Variants in SLIT2 observed in about 807,000 individuals in gnomAD.
SLIT2 encodes the protein slit homolog 2 protein.
SLIT2 carries 41 observed loss-of-function variants against 185.7 expected under a neutral mutation model. That is an observed-to-expected ratio of 0.22 (90% confidence interval 0.17 to 0.29). SLIT2 has a LOEUF of 0.29. SLIT2 is among the 10% of genes least tolerant of loss of function. The pLI, the probability that SLIT2 is intolerant of heterozygous loss-of-function variation, is 1.00. For synonymous variants in SLIT2, 693 were observed against 680.2 expected, an observed-to-expected ratio of 1.02 and a Z score of -0.29; for missense variants, 1,571 against 1,909.0, an observed-to-expected ratio of 0.82 and a Z score of 3.30.
intron 1 of SLIT2, among the ~76,000 whole-genome samples, chr4:20,256,389 A>G (rs899475602): frequency 6.6e-6 from 1 of 152,144 alleles, no homozygotes; most frequent in African/African-American, 2.4e-5. Context: ...TTACAGAAAC[A>G]AAAATGGAAA....
At chr4:20,483,022 T>C (rs1409067259) in intron 6 of SLIT2, among the ~76,000 whole-genome samples, 1 of 152,042 alleles carries the variant, frequency 6.6e-6, no homozygotes, top group Non-Finnish European at 1.5e-5. Context: ...AGAAGGGTTC[T>C]AGAAAGATGA....
intron 4 of SLIT2, among the ~76,000 whole-genome samples, chr4:20,311,950 G>A (rs1218525257): frequency 6.6e-6 from 1 of 152,076 alleles, no homozygotes; most frequent in Non-Finnish European, 1.5e-5. Context: ...TAAGCCACTG[G>A]TTATTTTCAG....
chr4:20,578,887 A>T (rs1726286599), intron 29 of SLIT2, among the ~76,000 whole-genome samples: 1 of 152,184 alleles, frequency 6.6e-6, no homozygotes. Flanking sequence ...GGACAAAATG[A>T]CCCACTTTTT....
intron 5 of SLIT2, among the ~76,000 whole-genome samples, chr4:20,474,308 T>A (rs955382336): frequency 6.6e-6 from 1 of 152,042 alleles, no homozygotes; most frequent in African/African-American, 2.4e-5. Flanking sequence ...ATCAGTACTA[T>A]GGGAACTGTC....
intron 11 of SLIT2, among the ~76,000 whole-genome samples, chr4:20,516,596 A>T (rs1560493079): frequency 6.6e-6 from 1 of 151,902 alleles, no homozygotes; most frequent in Admixed American, 6.6e-5. Flanking sequence ...ATGTGATGAT[A>T]TTTCTTTCCC....
chr4:20,307,285 C>T (rs1035636199), intron 4 of SLIT2, among the ~76,000 whole-genome samples: 2 of 81,894 alleles, frequency 2.4e-5, no homozygotes, highest in African/African-American at 1.1e-4. Context: ...CTTCCTTAAA[C>T]TAAGGGTCTC....
chr4:20,343,818 A>AG, intron 4 of SLIT2, among the ~76,000 whole-genome samples: 1 of 151,558 alleles, frequency 6.6e-6, no homozygotes, highest in East Asian at 1.9e-4. Context: ...AAAAAAAAAA[A>AG]AAAATTGACA....
chr4:20,287,726 C>A (rs1195754992), intron 4 of SLIT2, among the ~76,000 whole-genome samples: 1 of 152,158 alleles, frequency 6.6e-6, no homozygotes, highest in Admixed American at 6.5e-5. Context: ...ATATCCCTAT[C>A]TCTCTCCTTC....
intron 26 of SLIT2, among the ~76,000 whole-genome samples, chr4:20,558,148 A>C (rs1724413637): frequency 6.6e-6 from 1 of 152,108 alleles, no homozygotes; most frequent in African/African-American, 2.4e-5. Flanking sequence ...CTTAGTTGAT[A>C]ACACAATGGC....
intron 4 of SLIT2, among the ~76,000 whole-genome samples, chr4:20,341,750 C>T (rs1354567947): frequency 1.3e-5 from 2 of 152,170 alleles, no homozygotes; most frequent in Non-Finnish European, 2.9e-5. Context: ...GAATTAATCA[C>T]TATTAACTAA....
chr4:20,398,416 G>C (rs539679925), intron 4 of SLIT2, among the ~76,000 whole-genome samples: 2 of 151,922 alleles, frequency 1.3e-5, no homozygotes, highest in Admixed American at 1.3e-4. Flanking sequence ...AATAGAGACA[G>C]TTGCTACAAG....
At chr4:20,285,738 G>A (rs1473846701) in intron 4 of SLIT2, among the ~76,000 whole-genome samples, 2 of 152,094 alleles carry the variant, frequency 1.3e-5, no homozygotes, top group Non-Finnish European at 2.9e-5. Context: ...TGTAAAGATG[G>A]TGTTTCACCA....
intron 24 of SLIT2, 68 bp from the exon 25 acceptor site, chr4:20,550,759 C>G (rs1376308742): frequency 2.2e-6 from 2 of 928,038 alleles, no homozygotes; most frequent in Non-Finnish European, 3.4e-6. Context: ...ACTAAAGTCT[C>G]GGAATTTCTC....
intron 29 of SLIT2, among the ~76,000 whole-genome samples, chr4:20,574,953 T>C (rs143856764): frequency 4.1e-4 from 62 of 152,306 alleles, no homozygotes; most frequent in African/African-American, 1.4e-3. Flanking sequence ...TTTCATATTT[T>C]AGAATGTAAC....
chr4:20,433,245 A>C (rs1729117628), intron 4 of SLIT2, among the ~76,000 whole-genome samples: 2 of 152,232 alleles, frequency 1.3e-5, no homozygotes, highest in Admixed American at 6.5e-5. Context: ...AACAGTCGGC[A>C]TTTCTGCCTA....
chr4:20,445,387 T>A (rs2148706579), intron 4 of SLIT2, among the ~76,000 whole-genome samples: 1 of 152,324 alleles, frequency 6.6e-6, no homozygotes, highest in East Asian at 1.9e-4. Context: ...AAATGAATTT[T>A]CCACAAATAC....
intron 4 of SLIT2, among the ~76,000 whole-genome samples, chr4:20,439,097 A>T (rs1185089877): frequency 6.6e-6 from 1 of 152,186 alleles, no homozygotes; most frequent in East Asian, 1.9e-4. Context: ...GTACTTAATA[A>T]ATATTTCTTG....
chr4:20,588,024 A>T (rs1727209061), intron 29 of SLIT2, among the ~76,000 whole-genome samples: 1 of 152,224 alleles, frequency 6.6e-6, no homozygotes, highest in Non-Finnish European at 1.5e-5. Flanking sequence ...ATTTGGTTAG[A>T]AACTGAAAGT....
chr4:20,383,158 C>A (rs995398222), intron 4 of SLIT2, among the ~76,000 whole-genome samples: 1 of 152,130 alleles, frequency 6.6e-6, no homozygotes, highest in Non-Finnish European at 1.5e-5. Context: ...TAAAACCTTG[C>A]AACTTCTAGT....
Sources: allele counts gnomAD v4.1 joint callset (sites outside exome capture counted in the v4.1 genomes callset), GRCh38; gene constraint gnomAD v4.1.1; transcripts MANE v1.5; gene names NCBI Gene and HGNC (gene_info 2026-07-23, HGNC 2026-07-21).